The following TTC28 variants were observed in gnomAD, a reference collection of about 807,000 sequenced individuals.
TTC28 encodes tetratricopeptide repeat domain 28.
In TTC28, 61 loss-of-function variants were observed where a neutral mutation model predicts 198.0. The observed-to-expected ratio is 0.31, with a 90% CI of 0.25 to 0.38. The LOEUF is 0.38. Among genes scored for constraint, TTC28 ranks in the 10% least tolerant of loss-of-function variants. TTC28 has a pLI of 1.00. For synonymous variants in TTC28, 1,171 were observed against 1,297.8 expected, an observed-to-expected ratio of 0.90 and a Z score of 2.10; for missense variants, 2,678 against 3,164.0, an observed-to-expected ratio of 0.85 and a Z score of 3.69.
At chr22:28,390,599 G>A (rs1199499530) in intron 2 of TTC28, among the ~76,000 whole-genome samples, 1 of 152,104 alleles carries the variant, frequency 6.6e-6, no homozygotes, top group Non-Finnish European at 1.5e-5. Context: ...ATTATGTAAT[G>A]GCCTTCTTTG....
At chr22:28,559,395 T>C (rs909948996) in intron 2 of TTC28, among the ~76,000 whole-genome samples, 4 of 152,218 alleles carry the variant, frequency 2.6e-5, no homozygotes, top group South Asian at 2.1e-4. Context: ...TCGAGTACTA[T>C]AGTTTTTAAA....
intron 2 of TTC28, among the ~76,000 whole-genome samples, chr22:28,420,295 T>C (rs2047229253): frequency 6.6e-6 from 1 of 152,190 alleles, no homozygotes; most frequent in South Asian, 2.1e-4. Flanking sequence ...AGAATTAGTA[T>C]AATACAAAAG....
chr22:28,530,277 A>G (rs552999861), intron 2 of TTC28, among the ~76,000 whole-genome samples: 21 of 152,330 alleles, frequency 1.4e-4, no homozygotes. Flanking sequence ...AAGCTTCAGC[A>G]GCCGATTCGA....
intron 2 of TTC28, among the ~76,000 whole-genome samples, chr22:28,520,645 C>A (rs1203811674): frequency 6.6e-6 from 1 of 152,152 alleles, no homozygotes; most frequent in Non-Finnish European, 1.5e-5. Flanking sequence ...GTGGTCCCTG[C>A]TACTCAGGGG....
intron 6 of TTC28, among the ~76,000 whole-genome samples, chr22:28,123,835 T>G (rs1054769995): frequency 6.6e-6 from 1 of 151,868 alleles, no homozygotes; most frequent in Non-Finnish European, 1.5e-5. Context: ...TACAAAAAAT[T>G]AGCCAGGTGT....
At chr22:28,405,521 A>T (rs2046986404) in intron 2 of TTC28, among the ~76,000 whole-genome samples, 1 of 152,234 alleles carries the variant, frequency 6.6e-6, no homozygotes, top group African/African-American at 2.4e-5. Flanking sequence ...AGTACAGAGG[A>T]AGAAGAGATC....
intron 2 of TTC28, among the ~76,000 whole-genome samples, chr22:28,419,337 T>G (rs1406655504): frequency 6.6e-6 from 1 of 152,228 alleles, no homozygotes; most frequent in Non-Finnish European, 1.5e-5. Flanking sequence ...CAGTACTTTA[T>G]AATATGCTTC....
At chr22:28,280,777 G>C (rs1169027673) in intron 5 of TTC28, among the ~76,000 whole-genome samples, 2 of 152,004 alleles carry the variant, frequency 1.3e-5, no homozygotes, top group South Asian at 2.1e-4. Flanking sequence ...TTATAGCGCA[G>C]GTCTGTTGAT....
chr22:28,033,126 A>T (rs1939200052), intron 12 of TTC28, among the ~76,000 whole-genome samples: 1 of 152,200 alleles, frequency 6.6e-6, no homozygotes. Flanking sequence ...TGGGACCGGT[A>T]TCAGCCTCCA....
At chr22:28,252,147 T>C (rs146176754) in intron 5 of TTC28, among the ~76,000 whole-genome samples, 1 of 152,294 alleles carries the variant, frequency 6.6e-6, no homozygotes, top group Non-Finnish European at 1.5e-5. Context: ...ATGCTCCAAC[T>C]CATTTGATAG....
chr22:28,011,670 G>A (rs1938172333), intron 14 of TTC28, among the ~76,000 whole-genome samples: 1 of 152,146 alleles, frequency 6.6e-6, no homozygotes, highest in African/African-American at 2.4e-5. Flanking sequence ...AGGGCTGATT[G>A]TCTCAGGTAC....
chr22:28,275,568 G>A (rs187425575), intron 5 of TTC28, among the ~76,000 whole-genome samples: 2 of 152,024 alleles, frequency 1.3e-5, no homozygotes, highest in Admixed American at 6.6e-5. Flanking sequence ...ATACAAATAC[G>A]CATGTTTTAA....
chr22:28,590,061 A>AAAAAAAAAAAAAAAAC (rs1555898135), intron 2 of TTC28, among the ~76,000 whole-genome samples: 3 of 142,304 alleles, frequency 2.1e-5, no homozygotes, highest in Non-Finnish European at 3.1e-5. Context: ...AAAAAAAAAA[A>AAAAAAAAAAAAAAAAC]ACACAGAAAA....
intron 3 of TTC28, among the ~76,000 whole-genome samples, chr22:28,305,628 A>C (rs920101775): frequency 6.6e-5 from 10 of 152,180 alleles, no homozygotes; most frequent in African/African-American, 2.4e-4. Flanking sequence ...AAATTCAAAA[A>C]CATACCACTT....
At chr22:28,218,901 C>G (rs1927620898) in intron 5 of TTC28, among the ~76,000 whole-genome samples, 1 of 151,722 alleles carries the variant, frequency 6.6e-6, no homozygotes, top group Non-Finnish European at 1.5e-5. Flanking sequence ...CATGTTAAGG[C>G]TCCAGCAGTT....
Position 27,982,054 on chromosome 22 carries a change from C to T in TTC28, c.*167G>A. On this transcript the variant is annotated 3_prime_UTR_variant, in exon 23 of 23. Coordinates refer to ENST00000397906, the MANE Select transcript of TTC28 (RefSeq NM_001145418.2). This position sits in a 1 kb window ranked among gnomAD's most constrained non-coding sequence, Gnocchi z 5.2. ...TTTGGTGAATGTGGCCCAGAAAAGC[C>T]ACCAGTGTGTGTGGCAGCCTTTGGA... 1 of 653,214 alleles carries T rather than the reference C, an allele frequency of 1.5e-6. No homozygotes were observed. The highest frequency in any genetic ancestry group is 3.0e-5 in the East Asian group (1 of 32,854). 40.5% of individuals were successfully genotyped at this position (653,214 alleles called of 1,614,324 possible).
chr22:28,135,353 C>T (rs1013446044), intron 6 of TTC28, among the ~76,000 whole-genome samples: 3 of 152,158 alleles, frequency 2.0e-5, no homozygotes, highest in Non-Finnish European at 4.4e-5. Context: ...AAAATATGCA[C>T]AATAACTTAT....
intron 6 of TTC28, among the ~76,000 whole-genome samples, chr22:28,138,018 T>C (rs923307728): frequency 2.0e-5 from 3 of 150,156 alleles, no homozygotes; most frequent in Non-Finnish European, 4.4e-5. Context: ...TCCGTTGTTG[T>C]TTTTTTTTAA....
At chr22:28,640,344 C>T (rs2051344783) in intron 1 of TTC28, among the ~76,000 whole-genome samples, 1 of 148,258 alleles carries the variant, frequency 6.7e-6, no homozygotes, top group Admixed American at 6.8e-5. Flanking sequence ...CAATAAGAGA[C>T]CTAAGTAATA....
Sources: allele counts gnomAD v4.1 joint callset (sites outside exome capture counted in the v4.1 genomes callset), GRCh38; gene constraint gnomAD v4.1.1; non-coding constraint Gnocchi (gnomAD v3.1); transcripts MANE v1.5; gene names NCBI Gene and HGNC (gene_info 2026-07-23, HGNC 2026-07-21).